ADRA1A: variants seen among roughly 807,000 people sequenced by gnomAD.
ADRA1A encodes the protein alpha-1A adrenergic receptor.
ADRA1A carries 31 observed loss-of-function variants against 29.6 expected under a neutral mutation model. The observed-to-expected ratio is 1.05, with a 90% confidence interval of 0.79 to 1.41. The LOEUF is 1.41. Ranked by LOEUF, ADRA1A falls within the 40% of genes most tolerant of loss-of-function variation. The pLI, the probability that ADRA1A is intolerant of heterozygous loss-of-function variation, is 0.00. For missense variants in ADRA1A, 619 were observed against 601.1 expected (o/e 1.03, Z -0.31); for synonymous variants, 311 against 254.3 (o/e 1.22, Z -2.12).
downstream of ADRA1A, among the ~76,000 whole-genome samples, chr8:26,752,821 A>T (rs1045868770): frequency 3.9e-5 from 6 of 152,224 alleles, no homozygotes; most frequent in Admixed American, 1.3e-4. Context: ...ACAACCTGTA[A>T]TTGCTGAGTG....
At chr8:26,761,433 G>A (rs1200397515), downstream of ADRA1A, among the ~76,000 whole-genome samples, 1 of 152,202 alleles carries the variant, frequency 6.6e-6, no homozygotes, top group Non-Finnish European at 1.5e-5. Flanking sequence ...TGTATTCGGC[G>A]ATAGTGCCTT....
chr8:26,791,365 A>G (rs1301744548), intron 2 of ADRA1A, among the ~76,000 whole-genome samples: 1 of 152,152 alleles, frequency 6.6e-6, no homozygotes, highest in African/African-American at 2.4e-5. Context: ...AAATTTCATA[A>G]GGTTTTTGAT....
chr8:26,789,866 C>T (rs920367046), intron 2 of ADRA1A, among the ~76,000 whole-genome samples: 10 of 152,206 alleles, frequency 6.6e-5, no homozygotes, highest in East Asian at 1.9e-4. Flanking sequence ...AAAAATATCA[C>T]GAATCATCAG....
chr8:26,802,207 CA>C (rs148265497), intron 2 of ADRA1A, among the ~76,000 whole-genome samples: 1 of 151,110 alleles, frequency 6.6e-6, no homozygotes, highest in Non-Finnish European at 1.5e-5. Flanking sequence ...GCAACCAAAG[CA>C]AAAAAAACGG....
chr8:26,867,347 T>C (rs1251511343), upstream of ADRA1A: 2 of 985,112 alleles, frequency 2.0e-6, no homozygotes. Context: ...CAGGCACAAG[T>C]GCGTATACAG....
intron 2 of ADRA1A, among the ~76,000 whole-genome samples, chr8:26,749,283 G>A (rs1252949778): frequency 6.6e-6 from 1 of 152,184 alleles, no homozygotes; most frequent in Non-Finnish European, 1.5e-5. Context: ...AAGATAATCA[G>A]GGGCTGATGG....
chr8:26,792,549 G>A (rs938392560), intron 2 of ADRA1A, among the ~76,000 whole-genome samples: 2 of 150,068 alleles, frequency 1.3e-5, no homozygotes, highest in African/African-American at 5.0e-5. Context: ...AAGAAGACCT[G>A]TAAGTTCCAT....
chr8:26,763,815 G>A (rs1458984819), downstream of ADRA1A, among the ~76,000 whole-genome samples: 2 of 151,996 alleles, frequency 1.3e-5, no homozygotes, highest in Non-Finnish European at 2.9e-5. This position sits in a 1 kb window ranked among gnomAD's most constrained non-coding sequence, Gnocchi z 4.5. Context: ...CATTTTAGAG[G>A]GTTGTCCCCC....
rs141672591 is a variant in ADRA1A, at chr8:26,850,025, C to CAAAAAAAAAAAAACAAAAAACAAAAAACA, written c.883+14061_883+14062insTGTTTTTTGTTTTTTGTTTTTTTTTTTTT. Among the ~76,000 whole-genome samples, 94 of 121,574 alleles carry CAAAAAAAAAAAAACAAAAAACAAAAAACA rather than the reference C, an allele frequency of 7.7e-4. 1 individual carries two copies. The highest frequency in any genetic ancestry group is 2.8e-3 in the African/African-American group (88 of 31,320). 79.8% of individuals were successfully genotyped at this position (121,574 alleles called of 152,430 possible). ...AAAAGTGACTAATGAGAGAGAAATGCAAAAACAAAAAACAAAAAACAAAAA... is the reference window on the plus strand; with the variant it reads ...AAAAGTGACTAATGAGAGAGAAATGCAAAAAAAAAAAAACAAAAAACAAAAAACAAAAAACAAAAAACAAAAAACAAAAA... On this transcript the variant is annotated intron_variant, in intron 2 of 2. Coordinates refer to ENST00000380573, the MANE Select transcript of ADRA1A (RefSeq NM_000680.4).
intron 2 of ADRA1A, among the ~76,000 whole-genome samples, chr8:26,843,303 A>G (rs924206416): frequency 1.3e-5 from 2 of 152,212 alleles, no homozygotes; most frequent in African/African-American, 4.8e-5. Context: ...ACTGGATGTG[A>G]CAACATCTGA....
At chr8:26,820,254 G>A (rs965486795) in intron 2 of ADRA1A, among the ~76,000 whole-genome samples, 16 of 152,196 alleles carry the variant, frequency 1.1e-4, no homozygotes, top group East Asian at 5.8e-4. Context: ...GCTAACAGAC[G>A]TACAGAATAT....
Position 26,867,157 on chromosome 8 carries a change from A to T in ADRA1A, c.-908T>A, listed in dbSNP as rs1813958905. 8.1e-6 allele frequency: 8 copies of T among 985,330 alleles called. 1 individual carries two copies. The South Asian group carries it at 3.8e-4, about 46-fold the overall frequency. The allele number at this position is 985,330 out of a possible 1,614,324, so 61.0% of individuals were successfully genotyped here. A position where few individuals can be genotyped will look rare whatever the true frequency, so the allele number is the denominator to read the frequency against. ...TTACCTGCATTTTTTAAAAAGAGTC[A>T]AAATAAGAAAAGAAAAAAAAATGCA... On this transcript the variant is annotated 5_prime_UTR_variant, in exon 1 of 3. Transcript: ENST00000380573.
intron 2 of ADRA1A, among the ~76,000 whole-genome samples, chr8:26,777,677 A>G (rs1414971465): frequency 6.6e-6 from 1 of 152,212 alleles, no homozygotes; most frequent in Admixed American, 6.5e-5. Context: ...TTTCTGGCAG[A>G]AAACTTGAGT....
chr8:26,750,713 C>A (rs1022147791), intron 2 of ADRA1A, among the ~76,000 whole-genome samples: 1 of 152,228 alleles, frequency 6.6e-6, no homozygotes, highest in Admixed American at 6.5e-5. Context: ...AACCCTGAGA[C>A]AGAGCAGCTC....
At chr8:26,786,716 T>C (rs938586007) in intron 2 of ADRA1A, among the ~76,000 whole-genome samples, 2 of 144,634 alleles carry the variant, frequency 1.4e-5, no homozygotes, top group African/African-American at 2.6e-5. Context: ...CTTCCACCCA[T>C]CCATATACCT....
At chr8:26,772,558 T>C (rs752151292) in intron 2 of ADRA1A, among the ~76,000 whole-genome samples, 1 of 152,212 alleles carries the variant, frequency 6.6e-6, no homozygotes, top group Non-Finnish European at 1.5e-5. Context: ...GTTGAATGGA[T>C]GATTCCTAAT....
intron 2 of ADRA1A, among the ~76,000 whole-genome samples, chr8:26,852,984 G>C (rs569869599): frequency 6.6e-6 from 1 of 151,896 alleles, no homozygotes; most frequent in South Asian, 2.1e-4. Flanking sequence ...TTTAATCCAA[G>C]AATACATGGA....
At chr8:26,781,822 A>G (rs1037447158) in intron 2 of ADRA1A, among the ~76,000 whole-genome samples, 2 of 152,226 alleles carry the variant, frequency 1.3e-5, no homozygotes, top group Non-Finnish European at 2.9e-5. Context: ...CCAAGGAGGA[A>G]GTGTGAGGCT....
At chr8:26,814,672 C>T (rs1809642431) in intron 2 of ADRA1A, among the ~76,000 whole-genome samples, 1 of 152,144 alleles carries the variant, frequency 6.6e-6, no homozygotes, top group South Asian at 2.1e-4. Context: ...TTCTTTCTCT[C>T]CATCTATTTA....
Sources: gnomAD v4.1 joint callset for allele counts (sites outside exome capture counted in the v4.1 genomes callset) on GRCh38, gnomAD v4.1.1 for gene constraint, Gnocchi (gnomAD v3.1) non-coding constraint, MANE v1.5 for transcripts, NCBI Gene and HGNC (gene_info 2026-07-23, HGNC 2026-07-21) for gene names.